Variants in CDH13 observed in about 807,000 individuals in gnomAD.
CDH13 encodes the protein cadherin-13.
A neutral mutation model predicts 63.8 loss-of-function variants in CDH13; 24 were observed. That is an observed-to-expected ratio of 0.38 (90% CI 0.27 to 0.53). The LOEUF is 0.53. Ranked by LOEUF, CDH13 falls within the 20% of genes least tolerant of loss-of-function variation. CDH13 has a pLI of 0.85. For synonymous variants in CDH13, 503 were observed against 355.3 expected, an observed-to-expected ratio of 1.42 and a Z score of -4.67; for missense variants, 1,049 against 903.1, an observed-to-expected ratio of 1.16 and a Z score of -2.07.
chr16:83,069,937 T>C (rs1211452296), intron 3 of CDH13, among the ~76,000 whole-genome samples: 3 of 152,200 alleles, frequency 2.0e-5, no homozygotes, highest in Admixed American at 6.5e-5. Context: ...GTGTAGTTGA[T>C]GGATACCAGA....
At chr16:82,862,591 G>A (rs759830) in intron 2 of CDH13, among the ~76,000 whole-genome samples, 49,292 of 151,968 alleles carry the variant, frequency 0.32, 8,944 homozygotes, top group East Asian at 0.78. Flanking sequence ...ATTCTTTATG[G>A]GTCATTCCTC....
At chr16:83,590,748 A>G (rs1906652781) in intron 7 of CDH13, among the ~76,000 whole-genome samples, 1 of 152,148 alleles carries the variant, frequency 6.6e-6, no homozygotes, top group Non-Finnish European at 1.5e-5. Context: ...CATTCAGAAC[A>G]ATGCTAACCG....
intron 2 of CDH13, among the ~76,000 whole-genome samples, chr16:83,001,923 A>T (rs1407595584): frequency 6.6e-6 from 1 of 152,212 alleles, no homozygotes; most frequent in Non-Finnish European, 1.5e-5. Context: ...CCTCAGGAAC[A>T]TCATATCATA....
chr16:83,682,651 C>T (rs1423360092), intron 10 of CDH13, among the ~76,000 whole-genome samples: 2 of 152,132 alleles, frequency 1.3e-5, no homozygotes, highest in African/African-American at 2.4e-5. Context: ...CGGCCTCACT[C>T]CTCCTCCTTC....
intron 8 of CDH13, among the ~76,000 whole-genome samples, chr16:83,621,659 G>C (rs1909831188): frequency 6.6e-6 from 1 of 151,426 alleles, no homozygotes; most frequent in Non-Finnish European, 1.5e-5. Flanking sequence ...GCTAATTTTT[G>C]TATTTTTAGT....
At chr16:82,900,021 G>A (rs1183729291) in intron 2 of CDH13, among the ~76,000 whole-genome samples, 1 of 152,094 alleles carries the variant, frequency 6.6e-6, no homozygotes, top group Non-Finnish European at 1.5e-5. Context: ...TGTCTCCCCT[G>A]CCCCATCTTG....
intron 3 of CDH13, chr16:83,032,462 C>G (rs1428319295): frequency 8.0e-6 from 4 of 502,438 alleles, no homozygotes; most frequent in South Asian, 7.5e-5. Flanking sequence ...ATACTTCTGC[C>G]TTCAGGCGTG....
intron 2 of CDH13, among the ~76,000 whole-genome samples, chr16:82,959,841 C>T (rs1420495746): frequency 6.6e-6 from 1 of 152,158 alleles, no homozygotes; most frequent in Non-Finnish European, 1.5e-5. Flanking sequence ...CCAGTTTTAG[C>T]ATTTATGAGT....
rs947197973 is a variant in CDH13 at position 82,846,203 on chromosome 16, G to C, written c.46-12159G>C. ...GTTCTTAGAGGTTGTCATGTGAAAA[G>C]TTTCAATCATCTTTCTAATATGTCC... is the stretch of plus-strand genomic sequence containing the variant. On this transcript the variant is annotated intron_variant, in intron 1 of 13. Transcript: ENST00000567109. Among the ~76,000 whole-genome samples, 47 of 152,140 alleles carry C rather than the reference G, an allele frequency of 3.1e-4. 1 individual carries two copies. The highest frequency in any genetic ancestry group is 8.5e-4 in the Admixed American group (13 of 15,276).
intron 1 of CDH13, chr16:82,639,254 G>C (rs917065443): frequency 4.9e-5 from 32 of 654,528 alleles, no homozygotes; most frequent in Non-Finnish European, 7.8e-5. Flanking sequence ...CTCAAAGTGG[G>C]TCTGGGCCCT....
At chr16:83,094,864 T>G (rs1400387989) in intron 3 of CDH13, among the ~76,000 whole-genome samples, 1 of 152,214 alleles carries the variant, frequency 6.6e-6, no homozygotes, top group African/African-American at 2.4e-5. Context: ...TATAGATACC[T>G]ACTTTTTAAG....
intron 2 of CDH13, among the ~76,000 whole-genome samples, chr16:82,971,810 T>G (rs1429442824): frequency 1.3e-5 from 2 of 152,232 alleles, no homozygotes. Flanking sequence ...CCTTAAATGC[T>G]ACCTTTTCCT....
chr16:83,122,646 C>A (rs754226802), intron 3 of CDH13, among the ~76,000 whole-genome samples: 3 of 152,060 alleles, frequency 2.0e-5, no homozygotes, highest in Admixed American at 6.6e-5. Flanking sequence ...AGTGTAAGGA[C>A]CTTGCAGTGG....
intron 7 of CDH13, among the ~76,000 whole-genome samples, chr16:83,598,962 A>G (rs980443449): frequency 6.6e-6 from 1 of 152,304 alleles, no homozygotes; most frequent in Admixed American, 6.5e-5. Flanking sequence ...CACTTAGGTT[A>G]TGTCCTCATC....
At chr16:82,639,339 C>T (rs1008027223) in intron 1 of CDH13, 2 of 1,510,526 alleles carry the variant, frequency 1.3e-6, no homozygotes, top group Non-Finnish European at 1.8e-6. Context: ...TCTTTGTCTC[C>T]ATGTCCTTGC....
chr16:82,805,115 T>G (rs1471879742), intron 1 of CDH13, among the ~76,000 whole-genome samples: 1 of 152,312 alleles, frequency 6.6e-6, no homozygotes, highest in South Asian at 2.1e-4. Flanking sequence ...CTTTTCACTT[T>G]CATTGTGTGT....
intron 1 of CDH13, among the ~76,000 whole-genome samples, chr16:82,657,510 T>C (rs977741895): frequency 6.6e-6 from 1 of 152,168 alleles, no homozygotes; most frequent in Non-Finnish European, 1.5e-5. Flanking sequence ...CAGCATGTAA[T>C]TTAAAACTTA....
chr16:83,603,509 G>C (rs149369190), intron 8 of CDH13, among the ~76,000 whole-genome samples: 1 of 152,206 alleles, frequency 6.6e-6, no homozygotes, highest in Non-Finnish European at 1.5e-5. Context: ...AAAAGTGGCA[G>C]AAACAGGAAG....
intron 4 of CDH13, among the ~76,000 whole-genome samples, chr16:83,164,479 A>G (rs2037577865): frequency 6.6e-6 from 1 of 152,006 alleles, no homozygotes; most frequent in African/African-American, 2.4e-5. Flanking sequence ...TGTTTCAGAA[A>G]TGTCTAGGGG....
Sources: gnomAD v4.1 joint callset for allele counts (sites outside exome capture counted in the v4.1 genomes callset) on GRCh38, gnomAD v4.1.1 for gene constraint, MANE v1.5 for transcripts, NCBI Gene and HGNC (gene_info 2026-07-23, HGNC 2026-07-21) for gene names.